The following MAP2 variants were observed in gnomAD, a reference collection of about 807,000 sequenced individuals.
The protein encoded by MAP2 is microtubule associated protein 2.
MAP2 carries 14 observed loss-of-function variants against 137.6 expected under a neutral mutation model. The ratio of observed to expected loss-of-function variants is 0.10; its 90% CI spans 0.07 to 0.16. The LOEUF is 0.16. Among genes scored for constraint, MAP2 ranks in the 10% least tolerant of loss-of-function variants. MAP2 has a pLI of 1.00. For synonymous variants in MAP2, 786 were observed against 782.3 expected, an observed-to-expected ratio of 1.00 and a Z score of -0.08; for missense variants, 2,088 against 2,191.5, an observed-to-expected ratio of 0.95 and a Z score of 0.94.
intron 1 of MAP2, among the ~76,000 whole-genome samples, chr2:209,465,399 A>G (rs2149644145): frequency 6.6e-6 from 1 of 151,042 alleles, no homozygotes; most frequent in African/African-American, 2.4e-5. Flanking sequence ...CACATTTTAA[A>G]AGGCAAAATA....
intron 2 of MAP2, among the ~76,000 whole-genome samples, chr2:209,552,702 A>G (rs2069477588): frequency 6.6e-6 from 1 of 151,900 alleles, no homozygotes; most frequent in Admixed American, 6.6e-5. Context: ...CTCTACTAAA[A>G]ATACAAAAAT....
intron 1 of MAP2, among the ~76,000 whole-genome samples, chr2:209,486,985 C>T (rs2058468450): frequency 6.6e-6 from 1 of 152,060 alleles, no homozygotes; most frequent in African/African-American, 2.4e-5. Flanking sequence ...ATGGGATTTC[C>T]TTTTGTAGTG....
chr2:209,609,178 A>T (rs145329820), intron 3 of MAP2, among the ~76,000 whole-genome samples: 2 of 152,044 alleles, frequency 1.3e-5, no homozygotes, highest in African/African-American at 2.4e-5. Flanking sequence ...ATGTATATTC[A>T]TTCTGAATAT....
At chr2:209,623,278 A>AT (rs1157483239) in intron 3 of MAP2, among the ~76,000 whole-genome samples, 1 of 152,122 alleles carries the variant, frequency 6.6e-6, no homozygotes, top group Non-Finnish European at 1.5e-5. Context: ...AAAGCACTGT[A>AT]TTTTTTAAAA....
chr2:209,639,684 C>T (rs1213443474), intron 4 of MAP2, among the ~76,000 whole-genome samples: 1 of 152,074 alleles, frequency 6.6e-6, no homozygotes, highest in Non-Finnish European at 1.5e-5. Flanking sequence ...TCTGCCATTG[C>T]CTGGCCATCG....
intron 1 of MAP2, among the ~76,000 whole-genome samples, chr2:209,447,794 A>G (rs931088948): frequency 6.6e-6 from 1 of 152,040 alleles, no homozygotes; most frequent in Admixed American, 6.6e-5. Context: ...AGTTACTCAG[A>G]GAATAGTGGA....
chr2:209,732,337 C>T lies in MAP2; in HGVS notation c.*1940C>T, dbSNP rs546978558. ...ACTGCCATACAAGAAACCCTAGGAG[C>T]AAACCCACACCACTCATTCTCAGCT... On this transcript the variant is annotated 3_prime_UTR_variant, in exon 16 of 16. Coordinates refer to ENST00000682079, the MANE Select transcript of MAP2 (RefSeq NM_001375505.1). 1 of 152,318 alleles carries T rather than the reference C, an allele frequency of 6.6e-6. No individual in the cohort carries two copies. Among genetic ancestry groups the T allele is most frequent in the East Asian group, 1.9e-4 (1 of 5,184 alleles). 9.4% of individuals were successfully genotyped at this position (152,318 alleles called of 1,614,324 possible). A position where few individuals can be genotyped will look rare whatever the true frequency, so the allele number is the denominator to read the frequency against.
intron 7 of MAP2, among the ~76,000 whole-genome samples, chr2:209,687,983 T>C (rs1008630572): frequency 6.6e-6 from 1 of 152,124 alleles, no homozygotes; most frequent in African/African-American, 2.4e-5. Flanking sequence ...ATGGTCCCCT[T>C]TTGCTCCTCC....
chr2:209,569,737 A>G (rs1029247090), intron 2 of MAP2, among the ~76,000 whole-genome samples: 2 of 151,864 alleles, frequency 1.3e-5, no homozygotes, highest in Middle Eastern at 3.2e-3. Flanking sequence ...ATAACATGAT[A>G]TGGTGTTTTC....
intron 9 of MAP2, 53 bp downstream of exon 9, chr2:209,696,801 C>A: frequency 6.4e-7 from 1 of 1,565,448 alleles, no homozygotes; most frequent in Non-Finnish European, 8.6e-7. Flanking sequence ...TTCATTATTA[C>A]TTTTTTGCAG....
intron 2 of MAP2, among the ~76,000 whole-genome samples, chr2:209,538,273 G>A (rs1412111125): frequency 5.9e-5 from 9 of 152,196 alleles, no homozygotes; most frequent in Non-Finnish European, 1.3e-4. Context: ...AGAAGAGAGA[G>A]AAATGGGAGA....
At chr2:209,721,121 T>C (rs2070638059) in intron 13 of MAP2, among the ~76,000 whole-genome samples, 1 of 152,196 alleles carries the variant, frequency 6.6e-6, no homozygotes, top group Non-Finnish European at 1.5e-5. Flanking sequence ...GTAATTTTGC[T>C]ACGGCATAAA....
chr2:209,603,132 G>A (rs1176989958), intron 3 of MAP2, among the ~76,000 whole-genome samples: 1 of 152,140 alleles, frequency 6.6e-6, no homozygotes, highest in East Asian at 1.9e-4. Context: ...CTGCCCTTAA[G>A]CTTGGAGAGA....
chr2:209,676,966 C>T (rs190204553), intron 5 of MAP2, among the ~76,000 whole-genome samples: 1 of 151,292 alleles, frequency 6.6e-6, no homozygotes, highest in African/African-American at 2.4e-5. Flanking sequence ...ACAATTTAGA[C>T]GTCTAAGCAT....
chr2:209,639,204 G>A (rs1007215620), intron 4 of MAP2, among the ~76,000 whole-genome samples: 1 of 151,912 alleles, frequency 6.6e-6, no homozygotes, highest in Non-Finnish European at 1.5e-5. Context: ...AACTCTTCTG[G>A]ACATCATATG....
rs112690524 is a variant in MAP2, at chr2:209,703,851, T to A, written c.4585-1729T>A. On this transcript the variant is annotated intron_variant, in intron 11 of 15. Coordinates refer to ENST00000682079, the MANE Select transcript of MAP2 (RefSeq NM_001375505.1). The stretch of plus-strand genomic sequence containing the variant: ...CGTACCAAACATAAACAATCACATT[T>A]GGAAGTAAAGAAGAGCAAGTAATAA... 391 of 373,676 alleles carry A rather than the reference T, an allele frequency of 1.0e-3. 1 individual carries two copies. Among genetic ancestry groups the A allele is most frequent in the African/African-American group, 7.3e-3 (350 of 47,774 alleles). 23.1% of individuals were successfully genotyped at this position (373,676 alleles called of 1,614,324 possible).
intron 2 of MAP2, among the ~76,000 whole-genome samples, chr2:209,531,208 A>T (rs1021685530): frequency 1.3e-5 from 2 of 152,188 alleles, no homozygotes; most frequent in Non-Finnish European, 2.9e-5. Context: ...AAAAGAAATG[A>T]AAGAGGAAAG....
chr2:209,443,996 G>A (rs901697230), intron 1 of MAP2, among the ~76,000 whole-genome samples: 1 of 151,562 alleles, frequency 6.6e-6, no homozygotes, highest in African/African-American at 2.4e-5. Flanking sequence ...TTCAAGTACT[G>A]AGAAAGAATT....
intron 1 of MAP2, among the ~76,000 whole-genome samples, chr2:209,457,261 C>T (rs1263834091): frequency 6.6e-6 from 1 of 152,154 alleles, no homozygotes; most frequent in Non-Finnish European, 1.5e-5. Context: ...TAGATATTGG[C>T]TCATCTTTTC....
Sources: gnomAD v4.1 joint callset for allele counts (sites outside exome capture counted in the v4.1 genomes callset) on GRCh38, gnomAD v4.1.1 for gene constraint, MANE v1.5 for transcripts, NCBI Gene and HGNC (gene_info 2026-07-23, HGNC 2026-07-21) for gene names.